The following PRKG1 variants were observed in gnomAD, a reference collection of about 807,000 sequenced individuals.
PRKG1 encodes the protein protein kinase cGMP-dependent 1, also known as cGMP-dependent protein kinase 1.
Under a neutral mutation model 88.1 loss-of-function variants are expected in PRKG1, and 35 were observed. That is an observed-to-expected ratio of 0.40 (90% CI 0.30 to 0.53). The LOEUF is 0.53. PRKG1 is among the 20% of genes least tolerant of loss of function. PRKG1 has a pLI of 0.59. For missense variants in PRKG1, 540 were observed against 839.8 expected (o/e 0.64, Z 4.41); for synonymous variants, 303 against 292.5 (o/e 1.04, Z -0.37).
At chr10:51,953,884 C>T (rs974434384) in intron 5 of PRKG1, among the ~76,000 whole-genome samples, 1 of 152,060 alleles carries the variant, frequency 6.6e-6, no homozygotes, top group Non-Finnish European at 1.5e-5. Context: ...CAATCAATAT[C>T]ACTGTGACTT....
At chr10:51,259,631 G>A (rs925135264) in intron 2 of PRKG1, among the ~76,000 whole-genome samples, 6 of 152,010 alleles carry the variant, frequency 3.9e-5, no homozygotes, top group East Asian at 1.9e-4. Flanking sequence ...GTGTCACCAC[G>A]CCCGTCTAAT....
Position 51,858,379 on chromosome 10 carries a change from AAT to A in PRKG1, c.699-49118_699-49117del, listed in dbSNP as rs1234442573. On this transcript the variant is annotated intron_variant, in intron 4 of 17. Transcript: ENST00000373980. The stretch of plus-strand genomic sequence containing the variant: ...TATATATTATATATAATATATATAA[AAT>A]ATATATATAATATATATAATATATA... 1.8e-4 allele frequency among the ~76,000 whole-genome samples: 4 copies of A among 22,210 alleles called. 1 individual carries two copies. In the Admixed American group the frequency reaches 2.5e-3, roughly 14 times the overall value. 14.6% of individuals were successfully genotyped at this position (22,210 alleles called of 152,430 possible).
chr10:52,020,669 C>T (rs115884380), intron 5 of PRKG1, among the ~76,000 whole-genome samples: 1,591 of 152,042 alleles, frequency 0.01, 19 homozygotes, highest in African/African-American at 0.034. Context: ...GGTGGGCTGC[C>T]CACCTGTGCA....
intron 3 of PRKG1, among the ~76,000 whole-genome samples, chr10:51,722,164 G>T (rs1842028798): frequency 6.6e-6 from 1 of 151,976 alleles, no homozygotes; most frequent in Admixed American, 6.6e-5. Context: ...GGGAGGCGGA[G>T]GTTGCAGTGA....
chr10:51,655,728 A>G (rs2132321470), intron 3 of PRKG1, among the ~76,000 whole-genome samples: 1 of 152,288 alleles, frequency 6.6e-6, no homozygotes, highest in South Asian at 2.1e-4. Flanking sequence ...TCAACTACTT[A>G]GTGATAAATA....
At chr10:52,103,233 G>A (rs1847337799) in intron 7 of PRKG1, among the ~76,000 whole-genome samples, 1 of 151,942 alleles carries the variant, frequency 6.6e-6, no homozygotes, top group Non-Finnish European at 1.5e-5. Flanking sequence ...AAAAGTTTGG[G>A]GACCACTGCC....
At chr10:51,538,680 A>C (rs1468981466) in intron 3 of PRKG1, among the ~76,000 whole-genome samples, 1 of 151,352 alleles carries the variant, frequency 6.6e-6, no homozygotes, top group African/African-American at 2.4e-5. Flanking sequence ...AAAAAAAAAA[A>C]AACAAATCCC....
At chr10:51,024,736 T>C (rs1843184497) in intron 1 of PRKG1, among the ~76,000 whole-genome samples, 2 of 152,128 alleles carry the variant, frequency 1.3e-5, no homozygotes, top group South Asian at 4.2e-4. Context: ...CAGGCACTTC[T>C]TACATAGCCA....
intron 9 of PRKG1, among the ~76,000 whole-genome samples, chr10:52,200,462 A>G (rs1839635674): frequency 6.6e-6 from 1 of 152,164 alleles, no homozygotes; most frequent in African/African-American, 2.4e-5. Context: ...TTTACCATTG[A>G]CAGGCATTTA....
In PRKG1 at chr10:51,538,783, T is replaced by C. The variant is rs992401512; in HGVS notation, c.592+70947T>C. Among the ~76,000 whole-genome samples the C allele has an allele frequency of 5.3e-5, 8 of 152,212 alleles. No homozygotes were observed. The South Asian group carries it at 1.7e-3, about 32-fold the overall frequency. On this transcript the variant is annotated intron_variant, in intron 3 of 17. Coordinates refer to ENST00000373980, the MANE Select transcript of PRKG1 (RefSeq NM_006258.4). Reference sequence around the variant, plus strand: ...GGTTGTCCTGAACTTTTCCAGCCATTAAATAATTTCCAAATTAAAAACACA... The same window carrying C: ...GGTTGTCCTGAACTTTTCCAGCCATCAAATAATTTCCAAATTAAAAACACA...
chr10:51,204,887 C>A (rs1838007283), intron 2 of PRKG1, among the ~76,000 whole-genome samples: 3 of 152,020 alleles, frequency 2.0e-5, no homozygotes, highest in African/African-American at 2.4e-5. Context: ...TCACTTGTAG[C>A]TAAGAATATT....
At chr10:51,742,683 A>G (rs551736013) in intron 3 of PRKG1, among the ~76,000 whole-genome samples, 43 of 152,186 alleles carry the variant, frequency 2.8e-4, no homozygotes, top group African/African-American at 9.2e-4. Flanking sequence ...AATGAAGAGG[A>G]GTGGGGAAAC....
chr10:51,144,353 T>C (rs1845889977), intron 1 of PRKG1, among the ~76,000 whole-genome samples: 1 of 152,162 alleles, frequency 6.6e-6, no homozygotes, highest in Admixed American at 6.5e-5. Flanking sequence ...TGTCACTTAC[T>C]ATTGTGCAAC....
At chr10:51,801,623 C>G (rs953993320) in intron 3 of PRKG1, among the ~76,000 whole-genome samples, 4 of 152,098 alleles carry the variant, frequency 2.6e-5, no homozygotes, top group Non-Finnish European at 4.4e-5. Flanking sequence ...AATATTCTTC[C>G]AGAATTTGAG....
chr10:51,387,566 G>C (rs1471646875), intron 2 of PRKG1, among the ~76,000 whole-genome samples: 1 of 151,936 alleles, frequency 6.6e-6, no homozygotes, highest in Non-Finnish European at 1.5e-5. Flanking sequence ...AACCCTTGCT[G>C]TTTTCTGCCT....
At chr10:52,130,355 G>A (rs1173571074) in intron 7 of PRKG1, among the ~76,000 whole-genome samples, 1 of 151,960 alleles carries the variant, frequency 6.6e-6, no homozygotes, top group Non-Finnish European at 1.5e-5. Flanking sequence ...TTGTTGCATG[G>A]AAATTGCATT....
chr10:51,222,501 T>C (rs1838569656), intron 2 of PRKG1, among the ~76,000 whole-genome samples: 1 of 152,220 alleles, frequency 6.6e-6, no homozygotes, highest in African/African-American at 2.4e-5. Context: ...GATCTTTTCA[T>C]AGAAGTTCTG....
At chr10:51,642,095 T>C (rs1185848240) in intron 3 of PRKG1, among the ~76,000 whole-genome samples, 2 of 152,188 alleles carry the variant, frequency 1.3e-5, no homozygotes, top group East Asian at 3.9e-4. Context: ...CAAAATAGAA[T>C]TTAAAATAGA....
chr10:50,992,575 C>T (rs1842793759), intron 1 of PRKG1, among the ~76,000 whole-genome samples: 1 of 152,110 alleles, frequency 6.6e-6, no homozygotes, highest in African/African-American at 2.4e-5. Flanking sequence ...CCGGACGCCT[C>T]TGGGCTCCTT....
Sources: gnomAD v4.1 joint callset for allele counts (sites outside exome capture counted in the v4.1 genomes callset) on GRCh38, gnomAD v4.1.1 for gene constraint, MANE v1.5 for transcripts, NCBI Gene and HGNC (gene_info 2026-07-23, HGNC 2026-07-21) for gene names.